The following PLEKHB2 variants were observed in gnomAD, a reference collection of about 807,000 sequenced individuals.
PLEKHB2 encodes the protein pleckstrin homology domain-containing family B member 2.
In PLEKHB2, 31 loss-of-function variants were observed where a neutral mutation model predicts 36.5. The observed-to-expected ratio is 0.85, with a 90% CI of 0.64 to 1.15. The LOEUF is 1.15. Ranked by LOEUF, PLEKHB2 falls within the 50% of genes most tolerant of loss-of-function variation. The pLI, the probability that PLEKHB2 is intolerant of heterozygous loss-of-function variation, is 0.00. For missense variants in PLEKHB2, 262 were observed against 295.3 expected (o/e 0.89, Z 0.83); for synonymous variants, 119 against 112.0 (o/e 1.06, Z -0.39).
intron 3 of PLEKHB2, among the ~76,000 whole-genome samples, chr2:131,126,252 G>T (rs1160683497): frequency 6.6e-6 from 1 of 152,168 alleles, no homozygotes; most frequent in African/African-American, 2.4e-5. Context: ...TGTTGGCCAG[G>T]CATGGTGGCT....
intron 7 of PLEKHB2, among the ~76,000 whole-genome samples, chr2:131,142,409 T>C (rs1202441465): frequency 6.6e-6 from 1 of 152,200 alleles, no homozygotes; most frequent in African/African-American, 2.4e-5. Flanking sequence ...TAAGTATTTT[T>C]AGTAATTGCC....
chr2:131,107,996 T>A (rs1169042945), intron 1 of PLEKHB2: 1 of 152,234 alleles, frequency 6.6e-6, no homozygotes, highest in Admixed American at 6.5e-5. Flanking sequence ...ACTACAGGGC[T>A]GTTTGGACAT....
rs535939498 is a variant in PLEKHB2 at position 131,116,145 on chromosome 2, T to C, written c.-8-4789T>C. On this transcript the variant is annotated intron_variant, in intron 1 of 7. Transcript: ENST00000693505. ...ATCTGATTTCCCCTTTCTCTAATAGTTTTATTTTATATAGGCACATGAAAG... is the reference window on the plus strand; with the variant it reads ...ATCTGATTTCCCCTTTCTCTAATAGCTTTATTTTATATAGGCACATGAAAG... Among the ~76,000 whole-genome samples the C allele has an allele frequency of 6.4e-4, 97 of 152,340 alleles. 1 individual carries two copies. The highest frequency in any genetic ancestry group is 1.2e-3 in the Non-Finnish European group (80 of 68,030).
At chr2:131,131,096 A>G (rs545154563) in intron 5 of PLEKHB2, among the ~76,000 whole-genome samples, 2 of 152,152 alleles carry the variant, frequency 1.3e-5, no homozygotes, top group Admixed American at 1.3e-4. Context: ...GCCACCAGTA[A>G]TGTTTTCACA....
intron 1 of PLEKHB2, among the ~76,000 whole-genome samples, chr2:131,105,885 C>T (rs531607692): frequency 1.3e-5 from 2 of 152,240 alleles, no homozygotes; most frequent in Non-Finnish European, 2.9e-5. Flanking sequence ...TCTACCCCTG[C>T]TGCTCCCTCT....
chr2:131,120,399 C>A (rs893564781), intron 1 of PLEKHB2: 1 of 157,392 alleles, frequency 6.4e-6, no homozygotes, highest in Non-Finnish European at 1.4e-5. Flanking sequence ...TAATTTATCA[C>A]TTTTAAAGTC....
intron 6 of PLEKHB2, among the ~76,000 whole-genome samples, chr2:131,138,252 C>G (rs1406390497): frequency 6.6e-6 from 1 of 151,758 alleles, no homozygotes; most frequent in East Asian, 1.9e-4. Flanking sequence ...TCTTTATATA[C>G]TTTTTACTGA....
At chr2:131,124,327 G>C (rs1426665951) in intron 2 of PLEKHB2, among the ~76,000 whole-genome samples, 1 of 152,170 alleles carries the variant, frequency 6.6e-6, no homozygotes, top group Non-Finnish European at 1.5e-5. Flanking sequence ...ATAAAGGGAA[G>C]TACACGAAAT....
Position 131,117,201 on chromosome 2 carries a change from A to T in PLEKHB2, c.-8-3733A>T, listed in dbSNP as rs548261407. Among the ~76,000 whole-genome samples the T allele has an allele frequency of 5.7e-4, 87 of 152,322 alleles. 2 individuals carry two copies. In the South Asian group the frequency reaches 0.017, roughly 30 times the overall value. ...CATGGTGGCTCACACCTGTAATCCC[A>T]GCACTTTGAGAAGCTGAGGCGGGTG... is the stretch of plus-strand genomic sequence containing the variant. On this transcript the variant is annotated intron_variant, in intron 1 of 7. Transcript: ENST00000693505.
intron 6 of PLEKHB2, among the ~76,000 whole-genome samples, chr2:131,138,099 T>G (rs1245284642): frequency 3.3e-5 from 5 of 151,738 alleles, no homozygotes; most frequent in Admixed American, 2.6e-4. Flanking sequence ...TATATTCATG[T>G]TTATGGATTC....
chr2:131,115,743 G>T (rs1695812828), intron 1 of PLEKHB2, among the ~76,000 whole-genome samples: 1 of 152,116 alleles, frequency 6.6e-6, no homozygotes, highest in Non-Finnish European at 1.5e-5. Flanking sequence ...TTAGTTGGTT[G>T]TAATAGACTG....
chr2:131,141,091 T>G (rs913545365), intron 7 of PLEKHB2, among the ~76,000 whole-genome samples: 2 of 152,110 alleles, frequency 1.3e-5, no homozygotes, highest in African/African-American at 4.8e-5. Context: ...ACCAGAAACG[T>G]GGGTCACTAA....
Position 131,125,798 on chromosome 2 carries a change from C to T in PLEKHB2, c.83C>T (p.Ser28Leu), listed in dbSNP as rs201430764. 8.6e-5 allele frequency: 138 copies of T among 1,612,706 alleles called. No individual in the cohort carries two copies. Among genetic ancestry groups the T allele is most frequent in the Non-Finnish European group, 7.7e-5 (91 of 1,179,526 alleles). ...AAGAAGAACTGGTTTGATCTGTGGT[C>T]GGATGGTCACCTGATCTATTATGAT... ...RWKKNWFDLW[S>L]DGHLIYYDDQ... The change falls in exon 3 of 8, where the codon TCG becomes TTG. Residue 28 changes from serine to leucine, a missense_variant. Ser to Leu is a moderately radical substitution (Grantham distance 145, BLOSUM62 -2). Transcript: ENST00000693505.
intron 7 of PLEKHB2, among the ~76,000 whole-genome samples, chr2:131,142,868 C>T (rs1559110639): frequency 6.6e-6 from 1 of 152,020 alleles, no homozygotes; most frequent in African/African-American, 2.4e-5. Context: ...GAATCTAGTT[C>T]TTTTTTTCTC....
At chr2:131,139,950 CCTT>C (rs1303283918) in intron 6 of PLEKHB2, among the ~76,000 whole-genome samples, 1 of 152,150 alleles carries the variant, frequency 6.6e-6, no homozygotes, top group African/African-American at 2.4e-5. Context: ...TGTTTTTCTG[CCTT>C]CTTCATTCTG....
At chr2:131,131,572 C>T (rs1697686203) in intron 5 of PLEKHB2, among the ~76,000 whole-genome samples, 1 of 151,996 alleles carries the variant, frequency 6.6e-6, no homozygotes, top group African/African-American at 2.4e-5. Flanking sequence ...TTTTTCTCTC[C>T]TTTATTAATC....
At position 131,137,007 on chromosome 2, in the gene PLEKHB2, C is replaced by T. The variant is rs888608871; in HGVS notation, c.424-3160C>T. 1.0e-3 allele frequency among the ~76,000 whole-genome samples: 150 copies of T among 147,436 alleles called. 5 individuals carry two copies. Among genetic ancestry groups the T allele is most frequent in the African/African-American group, 3.6e-3 (141 of 39,244 alleles). On this transcript the variant is annotated intron_variant, in intron 6 of 7. Coordinates refer to ENST00000693505, the MANE Select transcript of PLEKHB2 (RefSeq NM_001100623.2). Reference sequence around the variant, plus strand: ...TGTCGCCCAGGCTGGAGTGCAGTGGCGTGATCTCGGCTCACTGCAAGCTCC... The same window carrying T: ...TGTCGCCCAGGCTGGAGTGCAGTGGTGTGATCTCGGCTCACTGCAAGCTCC...
intron 1 of PLEKHB2, among the ~76,000 whole-genome samples, chr2:131,113,360 A>T (rs1413495710): frequency 6.6e-6 from 1 of 152,194 alleles, no homozygotes; most frequent in Admixed American, 6.5e-5. Context: ...GATGCGCAAC[A>T]CTGTGCATGG....
intron 7 of PLEKHB2, among the ~76,000 whole-genome samples, chr2:131,143,842 T>C (rs865979918): frequency 6.6e-6 from 1 of 152,248 alleles, no homozygotes; most frequent in Non-Finnish European, 1.5e-5. Context: ...TGTTTCTTAC[T>C]GTATAGAGAG....
Sources: allele counts gnomAD v4.1 joint callset (sites outside exome capture counted in the v4.1 genomes callset), GRCh38; gene constraint gnomAD v4.1.1; transcripts MANE v1.5; gene names NCBI Gene and HGNC (gene_info 2026-07-23, HGNC 2026-07-21).